MYO5B: variants seen among roughly 807,000 people sequenced by gnomAD.
The protein encoded by MYO5B is myosin VB.
MYO5B carries 143 observed loss-of-function variants against 229.3 expected under a neutral mutation model. That is an observed-to-expected ratio of 0.62 (90% CI 0.54 to 0.72). The LOEUF (loss-of-function observed/expected upper bound fraction) is 0.72. Ranked by LOEUF, MYO5B falls within the 30% of genes least tolerant of loss-of-function variation. The pLI is 0.00. For missense variants in MYO5B, 2,321 were observed against 2,331.0 expected (o/e 1.00, Z 0.09); for synonymous variants, 918 against 885.2 (o/e 1.04, Z -0.66).
At chr18:50,162,819 C>T (rs925378806) in intron 1 of MYO5B, among the ~76,000 whole-genome samples, 1 of 152,204 alleles carries the variant, frequency 6.6e-6, no homozygotes, top group African/African-American at 2.4e-5. Context: ...AAAGATCAGG[C>T]AACAAATCTT....
At position 49,841,391 on chromosome 18, in the gene MYO5B, A is replaced by G; in HGVS notation, c.4675T>C (p.Cys1559Arg). 6.2e-7 allele frequency: 1 copy of G among 1,614,226 alleles called. No homozygotes were observed. The highest frequency in any genetic ancestry group is 8.5e-7 in the Non-Finnish European group (1 of 1,180,022). ...TCATCCCCGCTGTACTGCTTCAGAC[A>G]GTGAAGAAGGCGGCAGGTGTTGGAT... is the stretch of plus-strand genomic sequence containing the variant. ...WLSNTCRLLH[C>R]LKQYSGDEGF... is the part of the protein sequence containing the mutation. Residue 1559 changes from cysteine to arginine, a missense_variant, in exon 35 of 40, where the codon TGT becomes CGT. Around this residue, in one of 2 missense-constraint regions of MYO5B, gnomAD observed 2,113 missense variants for 2,044.7 expected, o/e 1.03. Coordinates refer to ENST00000285039, the MANE Select transcript of MYO5B (RefSeq NM_001080467.3).
chr18:49,967,095 C>T (rs2025634524), intron 10 of MYO5B, among the ~76,000 whole-genome samples: 2 of 152,058 alleles, frequency 1.3e-5, no homozygotes, highest in Non-Finnish European at 2.9e-5. Context: ...AACCAGAATC[C>T]TTGGGCCGGA....
At chr18:50,160,000 A>G (rs4939617) in intron 1 of MYO5B, among the ~76,000 whole-genome samples, 67,756 of 152,104 alleles carry the variant, frequency 0.45, 15,296 homozygotes, top group Admixed American at 0.52. Context: ...GAGAGTCACA[A>G]GTTGGACAGT....
chr18:49,830,260 T>A (rs2023899525), intron 39 of MYO5B, among the ~76,000 whole-genome samples: 1 of 151,870 alleles, frequency 6.6e-6, no homozygotes, highest in East Asian at 1.9e-4. Flanking sequence ...TAGTAATGAA[T>A]AATCAGAAAG....
At chr18:50,127,251 T>C (rs867773832) in intron 1 of MYO5B, among the ~76,000 whole-genome samples, 2 of 152,216 alleles carry the variant, frequency 1.3e-5, no homozygotes, top group African/African-American at 4.8e-5. Context: ...GGGCACCTAT[T>C]ATATACCAGA....
At chr18:50,179,752 C>T (rs985466083) in intron 1 of MYO5B, among the ~76,000 whole-genome samples, 18 of 152,154 alleles carry the variant, frequency 1.2e-4, no homozygotes, top group African/African-American at 4.3e-4. Context: ...ACTGTGCTGG[C>T]CTATTAGGCC....
At chr18:49,931,619 C>A (rs2025192984) in intron 16 of MYO5B, among the ~76,000 whole-genome samples, 1 of 152,172 alleles carries the variant, frequency 6.6e-6, no homozygotes, top group South Asian at 2.1e-4. Flanking sequence ...CCAATGCCTC[C>A]TGTGGTTGCT....
At chr18:50,034,020 A>G (rs1226027020) in intron 4 of MYO5B, among the ~76,000 whole-genome samples, 1 of 152,222 alleles carries the variant, frequency 6.6e-6, no homozygotes, top group Non-Finnish European at 1.5e-5. Flanking sequence ...AGCCACATCA[A>G]GAAAGAAAAT....
At chr18:49,924,113 C>T (rs2025104274) in intron 17 of MYO5B, among the ~76,000 whole-genome samples, 2 of 152,158 alleles carry the variant, frequency 1.3e-5, no homozygotes, top group South Asian at 4.1e-4. Context: ...TTTCTAATTG[C>T]TTGAAGAGGT....
intron 1 of MYO5B, among the ~76,000 whole-genome samples, chr18:50,149,085 T>C (rs1447454955): frequency 3.3e-5 from 5 of 152,110 alleles, no homozygotes; most frequent in Admixed American, 3.3e-4. Flanking sequence ...CCATTCACAA[T>C]TGCTTCAAAG....
intron 1 of MYO5B, among the ~76,000 whole-genome samples, chr18:50,083,487 C>T (rs925035169): frequency 6.6e-6 from 1 of 152,150 alleles, no homozygotes; most frequent in Non-Finnish European, 1.5e-5. Context: ...ACAAAAGACA[C>T]TTTTATCACT....
At chr18:50,191,005 A>T (rs1321416396) in intron 1 of MYO5B, among the ~76,000 whole-genome samples, 1 of 152,194 alleles carries the variant, frequency 6.6e-6, no homozygotes, top group Non-Finnish European at 1.5e-5. Flanking sequence ...ATAAAAGGGA[A>T]CATTGGCTAT....
intron 1 of MYO5B, among the ~76,000 whole-genome samples, chr18:50,073,431 C>T (rs2031005571): frequency 6.6e-6 from 1 of 152,176 alleles, no homozygotes; most frequent in Non-Finnish European, 1.5e-5. Context: ...ATTCCCAAAA[C>T]AACTTGGCTT....
Position 49,880,475 on chromosome 18 carries a change from G to A in MYO5B, c.3046-20C>T, listed in dbSNP as rs942515811. 26 of 1,594,530 alleles carry A rather than the reference G, an allele frequency of 1.6e-5. No homozygotes were observed. Among genetic ancestry groups the A allele is most frequent in the African/African-American group, 5.4e-5 (4 of 74,474 alleles). ...AACTCGCTGGAAGAGAGCAATAGGG[G>A]AAAAATGTCTCATGATGCTGGGAAG... On this transcript the variant is annotated intron_variant, in intron 22 of 39. Transcript: ENST00000285039.
At chr18:50,122,034 C>T (rs1255331380) in intron 1 of MYO5B, among the ~76,000 whole-genome samples, 2 of 152,208 alleles carry the variant, frequency 1.3e-5, no homozygotes, top group Non-Finnish European at 1.5e-5. Context: ...ACTGAACCGA[C>T]CCCCAAAGCT....
intron 1 of MYO5B, among the ~76,000 whole-genome samples, chr18:50,167,372 A>G (rs950636220): frequency 1.3e-5 from 2 of 152,186 alleles, no homozygotes; most frequent in African/African-American, 4.8e-5. Context: ...CCCAAATAAG[A>G]AGGCTTAAGT....
chr18:50,160,754 G>T (rs941160176), intron 1 of MYO5B, among the ~76,000 whole-genome samples: 1 of 152,154 alleles, frequency 6.6e-6, no homozygotes, highest in Non-Finnish European at 1.5e-5. Context: ...TGTGAGAGTA[G>T]ACACAATCCT....
intron 30 of MYO5B, among the ~76,000 whole-genome samples, chr18:49,854,811 C>T (rs1396024771): frequency 6.6e-6 from 1 of 152,036 alleles, no homozygotes; most frequent in Non-Finnish European, 1.5e-5. Context: ...ACAGGTGGGA[C>T]CATGTCTACA....
chr18:49,919,536 C>T (rs887607950), intron 17 of MYO5B, among the ~76,000 whole-genome samples: 23 of 152,098 alleles, frequency 1.5e-4, no homozygotes, highest in African/African-American at 5.3e-4. Flanking sequence ...AGACATTTCT[C>T]CAAAGAAGAT....
Sources: gnomAD v4.1 joint callset for allele counts (sites outside exome capture counted in the v4.1 genomes callset) on GRCh38, gnomAD v4.1.1 for gene constraint, gnomAD v4.1.1 regional missense constraint, MANE v1.5 for transcripts, NCBI Gene and HGNC (gene_info 2026-07-23, HGNC 2026-07-21) for gene names.